The following EXOC6 variants were observed in gnomAD, a reference collection of about 807,000 sequenced individuals.
EXOC6 encodes the protein SEC15-like 1.
Under a neutral mutation model 112.5 loss-of-function variants are expected in EXOC6, and 60 were observed. That is an observed-to-expected ratio of 0.53 (90% CI 0.43 to 0.66). The LOEUF is 0.66. EXOC6 is among the 30% of genes least tolerant of loss of function. EXOC6 has a pLI of 0.00. For missense variants in EXOC6, 855 were observed against 957.1 expected (o/e 0.89, Z 1.41); for synonymous variants, 295 against 308.0 (o/e 0.96, Z 0.44).
chr10:92,976,787 C>G (rs1485633216), intron 18 of EXOC6, among the ~76,000 whole-genome samples: 1 of 151,408 alleles, frequency 6.6e-6, no homozygotes, highest in Admixed American at 6.6e-5. Context: ...TTGTTCTATC[C>G]TGGCACGTAG....
chr10:92,851,825 C>G (rs560378540), intron 1 of EXOC6, among the ~76,000 whole-genome samples: 1 of 152,004 alleles, frequency 6.6e-6, no homozygotes, highest in South Asian at 2.1e-4. Flanking sequence ...AATCCCAGCA[C>G]TTTGGGAGGC....
chr10:93,020,180 A>T (rs1216148812), intron 20 of EXOC6, among the ~76,000 whole-genome samples: 1 of 152,144 alleles, frequency 6.6e-6, no homozygotes, highest in Non-Finnish European at 1.5e-5. Context: ...AACAAATCCT[A>T]AATTCTTTTT....
At chr10:92,908,304 C>G (rs956277904) in intron 5 of EXOC6, among the ~76,000 whole-genome samples, 1 of 152,060 alleles carries the variant, frequency 6.6e-6, no homozygotes, top group Non-Finnish European at 1.5e-5. Context: ...ACCCGCCCAC[C>G]TTAGCCTCCC....
intron 18 of EXOC6, among the ~76,000 whole-genome samples, chr10:92,974,555 C>CTGTCTCCCTCTCCCCA (rs1842422998): frequency 1.3e-5 from 2 of 152,160 alleles, no homozygotes; most frequent in African/African-American, 4.8e-5. Flanking sequence ...TCTCCCTCTC[C>CTGTCTCCCTCTCCCCA]CGTCTCCCTC....
At chr10:93,053,253 C>T (rs1014785764) in intron 20 of EXOC6, among the ~76,000 whole-genome samples, 2 of 152,124 alleles carry the variant, frequency 1.3e-5, no homozygotes, top group African/African-American at 2.4e-5. Context: ...TCATCTTGGT[C>T]GGAACAGGCA....
intron 17 of EXOC6, among the ~76,000 whole-genome samples, chr10:92,970,253 C>T (rs1281191280): frequency 1.3e-5 from 2 of 152,106 alleles, no homozygotes; most frequent in Non-Finnish European, 2.9e-5. Flanking sequence ...AGAAAAAATG[C>T]GTGGTGCATC....
Position 92,848,628 on chromosome 10 carries a change from CCCT to C in EXOC6, c.98_100del (p.Leu33del). The C allele has an allele frequency of 7.0e-7, 1 of 1,427,220 alleles. No homozygotes were observed. Among genetic ancestry groups the C allele is most frequent in the Admixed American group, 2.1e-5 (1 of 46,570 alleles). 88.4% of individuals were successfully genotyped at this position (1,427,220 alleles called of 1,614,324 possible). On this transcript the variant is annotated inframe_deletion, in exon 1 of 22. Coordinates refer to ENST00000260762, the MANE Select transcript of EXOC6 (RefSeq NM_019053.6). ...ACCGACACCGCCTGTGTGGGGCCCA[CCCT>C]CCGGTAAAGATCTCATCCCACCGGG...
At chr10:93,033,735 A>AT (rs1374057832) in intron 20 of EXOC6, among the ~76,000 whole-genome samples, 1 of 147,572 alleles carries the variant, frequency 6.8e-6, no homozygotes, top group African/African-American at 2.5e-5. Flanking sequence ...TTGCTTGTTT[A>AT]TTTGTCATTT....
In EXOC6 at chr10:92,867,857, A is replaced by G. The variant is rs144402366; in HGVS notation, c.101+19223A>G. Among the ~76,000 whole-genome samples, 336 of 152,304 alleles carry G rather than the reference A, an allele frequency of 2.2e-3. 1 individual carries two copies. The highest frequency in any genetic ancestry group is 7.8e-3 in the African/African-American group (324 of 41,576). On this transcript the variant is annotated intron_variant, in intron 1 of 21. Coordinates refer to ENST00000260762, the MANE Select transcript of EXOC6 (RefSeq NM_019053.6). ...AAAATATATCTGCATTTTTTTGGAC[A>G]AGAGTCATTTGCATTAGTATCAGCT...
intron 1 of EXOC6, among the ~76,000 whole-genome samples, chr10:92,885,268 GAC>G (rs1849155856): frequency 6.6e-6 from 1 of 151,908 alleles, no homozygotes; most frequent in African/African-American, 2.4e-5. Flanking sequence ...ATATTTTTGA[GAC>G]ACAAAGTATT....
intron 17 of EXOC6, among the ~76,000 whole-genome samples, chr10:92,968,484 C>A (rs1223350837): frequency 6.6e-6 from 1 of 152,138 alleles, no homozygotes; most frequent in Non-Finnish European, 1.5e-5. Context: ...CTGTGCCTGC[C>A]ATGTTTTACA....
intron 20 of EXOC6, among the ~76,000 whole-genome samples, chr10:93,038,040 C>CA (rs1156726278): frequency 0.18 from 4,729 of 26,274 alleles, 371 homozygotes; most frequent in Non-Finnish European, 0.21. Context: ...ACTCCGTCTC[C>CA]AAAAAAAAAA....
chr10:92,993,199 T>C (rs1168074535), intron 18 of EXOC6, among the ~76,000 whole-genome samples: 2 of 152,152 alleles, frequency 1.3e-5, no homozygotes, highest in African/African-American at 4.8e-5. Context: ...AACAAAACCT[T>C]TTATCAATGT....
chr10:92,992,430 G>A (rs531197882), intron 18 of EXOC6, among the ~76,000 whole-genome samples: 2 of 151,686 alleles, frequency 1.3e-5, no homozygotes, highest in African/African-American at 2.4e-5. Context: ...TCAGTGTTAT[G>A]TACAGTGTTC....
At chr10:92,986,050 T>A (rs975787704) in intron 18 of EXOC6, among the ~76,000 whole-genome samples, 2 of 152,126 alleles carry the variant, frequency 1.3e-5, no homozygotes, top group African/African-American at 4.8e-5. Flanking sequence ...ATAATGGCAT[T>A]GATTAATGTT....
chr10:92,941,399 A>G (rs1852660465), intron 13 of EXOC6, among the ~76,000 whole-genome samples: 2 of 152,206 alleles, frequency 1.3e-5, no homozygotes, highest in African/African-American at 4.8e-5. Context: ...AGTACAGTAT[A>G]CATATATCTG....
At chr10:92,943,887 A>C (rs536105488) in intron 13 of EXOC6, among the ~76,000 whole-genome samples, 1 of 152,302 alleles carries the variant, frequency 6.6e-6, no homozygotes, top group African/African-American at 2.4e-5. Flanking sequence ...TACCCTGCCT[A>C]CGCCACTTTC....
intron 1 of EXOC6, among the ~76,000 whole-genome samples, chr10:92,863,981 T>TG (rs1015500567): frequency 1.3e-5 from 2 of 148,824 alleles, no homozygotes; most frequent in African/African-American, 5.0e-5. Context: ...TAGCTCGGCA[T>TG]GGTGGTGCTG....
chr10:93,056,758 A>G (rs1331765027), intron 20 of EXOC6, among the ~76,000 whole-genome samples, 166 bp from the exon 21 acceptor site: 2 of 152,238 alleles, frequency 1.3e-5, no homozygotes, highest in Admixed American at 1.3e-4. Flanking sequence ...AAAAAGATCT[A>G]TTTTGATTGT....
Sources: allele counts gnomAD v4.1 joint callset (sites outside exome capture counted in the v4.1 genomes callset), GRCh38; gene constraint gnomAD v4.1.1; transcripts MANE v1.5; gene names NCBI Gene and HGNC (gene_info 2026-07-23, HGNC 2026-07-21).